SSUH2: variants seen among roughly 807,000 people sequenced by gnomAD.
The protein encoded by SSUH2 is protein SSUH2 homolog.
In SSUH2, 47 loss-of-function variants were observed where a neutral mutation model predicts 55.3. The observed-to-expected ratio is 0.85, with a 90% CI of 0.67 to 1.08. The LOEUF is 1.08. Ranked by LOEUF, SSUH2 falls within the 50% of genes least tolerant of loss-of-function variation. The pLI, the probability that SSUH2 is intolerant of heterozygous loss-of-function variation, is 0.00. For missense variants in SSUH2, 535 were observed against 490.7 expected (o/e 1.09, Z -0.85); for synonymous variants, 212 against 191.5 (o/e 1.11, Z -0.89).
At chr3:8,660,372 A>C (rs1308421591) in intron 6 of SSUH2, among the ~76,000 whole-genome samples, 3 of 152,228 alleles carry the variant, frequency 2.0e-5, no homozygotes, top group Non-Finnish European at 4.4e-5. Flanking sequence ...CACTTGAGGC[A>C]GAAACTTAAA....
At position 8,652,961 on chromosome 3, in the gene SSUH2, C is replaced by T. The variant is rs139876559; in HGVS notation, c.-307+5964G>A. Among the ~76,000 whole-genome samples the T allele has an allele frequency of 1.9e-3, 288 of 152,336 alleles. 1 individual carries two copies. Among genetic ancestry groups the T allele is most frequent in the African/African-American group, 6.8e-3 (281 of 41,576 alleles). ...TGGGAGTGGGGAGGAGACTGGGCTC[C>T]TCTTTGTCCTGGGGATCGGCTACCT... On this transcript the variant is annotated intron_variant, in intron 7 of 18. Transcript: ENST00000317371.
chr3:8,619,844 G>C lies in SSUH2; in HGVS notation c.*24C>G. 6.2e-7 allele frequency: 1 copy of C among 1,608,076 alleles called. No individual in the cohort carries two copies. The highest frequency in any genetic ancestry group is 1.1e-5 in the South Asian group (1 of 90,056). ...TCTTCCTTGGCAAACGTGAATGGCAGGCTCTGGGGACAGCCATGCTATGTC... is the reference window on the plus strand; with the variant it reads ...TCTTCCTTGGCAAACGTGAATGGCACGCTCTGGGGACAGCCATGCTATGTC... On this transcript the variant is annotated 3_prime_UTR_variant, in exon 12 of 12. Coordinates refer to ENST00000544814, the MANE Select transcript of SSUH2 (RefSeq NM_001256748.3).
chr3:8,673,055 CAATATT>C (rs200610978), intron 3 of SSUH2, among the ~76,000 whole-genome samples: 2,665 of 151,818 alleles, frequency 0.018, 78 homozygotes, highest in African/African-American at 0.061. Context: ...TATGTATTAC[CAATATT>C]AATATTAATA....
At chr3:8,660,620 C>T (rs1184589094) in intron 6 of SSUH2, among the ~76,000 whole-genome samples, 1 of 152,164 alleles carries the variant, frequency 6.6e-6, no homozygotes, top group African/African-American at 2.4e-5. Flanking sequence ...TCCCTGGCTT[C>T]TTAAGTACAG....
Position 8,677,841 on chromosome 3 carries a change from G to C in SSUH2, c.-900-488C>G, listed in dbSNP as rs1388734665. Among the ~76,000 whole-genome samples the C allele has an allele frequency of 3.3e-5, 5 of 150,564 alleles. 1 individual carries two copies. The highest frequency in any genetic ancestry group is 1.3e-4 in the Admixed American group (2 of 15,176). Reference sequence around the variant, plus strand: ...GCCCCACACACCCACTCCACCACCAGCTCTCAGGATCTGCGGTGGACTCAC... The same window carrying C: ...GCCCCACACACCCACTCCACCACCACCTCTCAGGATCTGCGGTGGACTCAC... On this transcript the variant is annotated intron_variant, in intron 2 of 18. Coordinates refer to the SSUH2 transcript ENST00000317371.
At chr3:8,624,949 G>C (rs1697218201) in intron 10 of SSUH2, among the ~76,000 whole-genome samples, 1 of 152,058 alleles carries the variant, frequency 6.6e-6, no homozygotes, top group Admixed American at 6.5e-5. Context: ...CTGCATCCAG[G>C]TCTGTGCCCA....
chr3:8,673,697 C>A (rs1704884091), intron 3 of SSUH2, among the ~76,000 whole-genome samples: 1 of 152,156 alleles, frequency 6.6e-6, no homozygotes, highest in Admixed American at 6.6e-5. Context: ...GAACATGCAC[C>A]AGACCAGCTG....
At chr3:8,635,267 G>T in intron 3 of SSUH2, 33 bp downstream of exon 3, 1 of 1,499,062 alleles carries the variant, frequency 6.7e-7, no homozygotes. Flanking sequence ...CATAGGAAAT[G>T]CACACAGTCA....
At chr3:8,641,796 T>G (rs1242224123) in intron 1 of SSUH2, among the ~76,000 whole-genome samples, 1 of 152,236 alleles carries the variant, frequency 6.6e-6, no homozygotes, top group East Asian at 1.9e-4. Flanking sequence ...CCAGCACCCT[T>G]TCTCACCAAG....
chr3:8,645,201 G>C (rs893870041), upstream of SSUH2, among the ~76,000 whole-genome samples: 7 of 152,168 alleles, frequency 4.6e-5, no homozygotes, highest in Non-Finnish European at 7.3e-5. Flanking sequence ...ACCACAAGAA[G>C]GTTACCTCCC....
intron 3 of SSUH2, chr3:8,634,581 C>T (rs1003355860): frequency 5.4e-6 from 7 of 1,289,672 alleles, no homozygotes; most frequent in African/African-American, 1.5e-5. Flanking sequence ...CCATGGATGG[C>T]AGCACAAGAG....
At chr3:8,635,441 G>A in intron 2 of SSUH2, 60 bp from the exon 3 acceptor site, 1 of 1,213,200 alleles carries the variant, frequency 8.2e-7, no homozygotes, top group Admixed American at 2.2e-5. Flanking sequence ...ATATTTGTGT[G>A]GTGGAAGAAG....
At chr3:8,640,035 T>A in intron 1 of SSUH2, 3 of 983,742 alleles carry the variant, frequency 3.0e-6, no homozygotes, top group Non-Finnish European at 2.4e-6. Context: ...GTGGTCAAAC[T>A]CACACACACA....
chr3:8,628,903 G>A (rs355054), intron 7 of SSUH2, among the ~76,000 whole-genome samples: 12 of 152,112 alleles, frequency 7.9e-5, no homozygotes, highest in Middle Eastern at 6.8e-3. Flanking sequence ...TCGCCCAGGC[G>A]GGAGTGCAGT....
chr3:8,679,447 G>GAA (rs1559573412), intron 2 of SSUH2, among the ~76,000 whole-genome samples: 2 of 138,442 alleles, frequency 1.4e-5, no homozygotes, highest in Admixed American at 7.0e-5. Flanking sequence ...CATCACAGCG[G>GAA]GGGGAGGCAC....
intron 1 of SSUH2, among the ~76,000 whole-genome samples, chr3:8,642,668 A>G (rs541631938): frequency 9.8e-4 from 150 of 152,330 alleles, no homozygotes; most frequent in African/African-American, 3.5e-3. Context: ...TCACTGGAGA[A>G]AGGTTTTCTC....
At chr3:8,633,859 G>A in intron 3 of SSUH2, 64 bp from the exon 4 acceptor site, 1 of 1,613,646 alleles carries the variant, frequency 6.2e-7, no homozygotes, top group Non-Finnish European at 8.5e-7. Flanking sequence ...ACGCGGGCCA[G>A]CCAGCCTCCT....
chr3:8,619,802 T>C lies in SSUH2; in HGVS notation c.*66A>G. 6.4e-7 allele frequency: 1 copy of C among 1,573,092 alleles called. No homozygotes were observed. Among genetic ancestry groups the C allele is most frequent in the Non-Finnish European group, 8.6e-7 (1 of 1,156,232 alleles). ...CCAATGCAGCCAACAGTGAACACAC[T>C]CAGAGAGTGTCGGCCATCTTCCTTG... On this transcript the variant is annotated 3_prime_UTR_variant, in exon 12 of 12. Coordinates refer to ENST00000544814, the MANE Select transcript of SSUH2 (RefSeq NM_001256748.3).
intron 4 of SSUH2, among the ~76,000 whole-genome samples, chr3:8,632,388 A>G (rs1315339055): frequency 6.6e-6 from 1 of 152,214 alleles, no homozygotes. Flanking sequence ...TCTATGAGAC[A>G]AGCTTCAGAG....
Sources: allele counts gnomAD v4.1 joint callset (sites outside exome capture counted in the v4.1 genomes callset), GRCh38; gene constraint gnomAD v4.1.1; transcripts MANE v1.5; gene names NCBI Gene and HGNC (gene_info 2026-07-23, HGNC 2026-07-21).